The following SYT14 variants were observed in gnomAD, a reference collection of about 807,000 sequenced individuals.
The protein encoded by SYT14 is synaptotagmin-14.
Under a neutral mutation model 74.2 loss-of-function variants are expected in SYT14, and 32 were observed. The ratio of observed to expected loss-of-function variants is 0.43; its 90% CI spans 0.33 to 0.58. The LOEUF is 0.58. Ranked by LOEUF, SYT14 falls within the 20% of genes least tolerant of loss-of-function variation. The probability of loss-of-function intolerance (pLI) is 0.05; values close to 1 mark genes in which losing one functional copy is unlikely to be tolerated. For synonymous variants in SYT14, 298 were observed against 337.7 expected (o/e 0.88, Z 1.29); for missense variants, 791 against 981.8 (o/e 0.81, Z 2.60).
rs537079221 is a variant in SYT14, at chr1:210,067,639, G to C, written c.1313-26683G>C. ...AATTTGGTATTTATGCATCTTAAAC[G>C]TATTTTTAAAATTTACCCTCCCATT... On this transcript the variant is annotated intron_variant, in intron 5 of 9. Coordinates refer to ENST00000637265, the Ensembl canonical transcript of SYT14. 3.3e-5 allele frequency among the ~76,000 whole-genome samples: 5 copies of C among 151,888 alleles called. No homozygotes were observed. In the East Asian group the frequency reaches 9.7e-4, roughly 29 times the overall value.
chr1:210,134,599 A>G (rs1261836318), intron 7 of SYT14, among the ~76,000 whole-genome samples: 1 of 152,176 alleles, frequency 6.6e-6, no homozygotes, highest in Non-Finnish European at 1.5e-5. Context: ...CACATACAGT[A>G]TACCTTTAAA....
At chr1:210,137,692 T>C (rs952465496) in intron 7 of SYT14, among the ~76,000 whole-genome samples, 1 of 150,430 alleles carries the variant, frequency 6.6e-6, no homozygotes, top group Non-Finnish European at 1.5e-5. Flanking sequence ...TTTTTTTTTT[T>C]TTTTTGAAAT....
At chr1:210,140,568 A>G (rs1293649414) in intron 7 of SYT14, among the ~76,000 whole-genome samples, 1 of 152,064 alleles carries the variant, frequency 6.6e-6, no homozygotes, top group Non-Finnish European at 1.5e-5. Context: ...CTTATCTATG[A>G]AACCATTGCC....
intron 5 of SYT14, among the ~76,000 whole-genome samples, chr1:210,089,906 G>A (rs755084474): frequency 2.4e-4 from 36 of 152,188 alleles, no homozygotes; most frequent in Non-Finnish European, 4.4e-4. Context: ...CAAGAGCACT[G>A]GCTACAGAAT....
rs142161846 is a variant in SYT14 at position 210,095,873 on chromosome 1, T to G, written c.1584+1280T>G. Among the ~76,000 whole-genome samples the G allele has an allele frequency of 8.9e-3, 1,363 of 152,316 alleles. 23 individuals are homozygous for G. Among genetic ancestry groups the G allele is most frequent in the African/African-American group, 0.031 (1,275 of 41,572 alleles). ...TAATATATCATTATTTTATGATTTTTCATGATGAATGTTTCTTTGTGTTCC... is the reference window on the plus strand; with the variant it reads ...TAATATATCATTATTTTATGATTTTGCATGATGAATGTTTCTTTGTGTTCC... On this transcript the variant is annotated intron_variant, in intron 6 of 9. Transcript: ENST00000637265.
intron 1 of SYT14, among the ~76,000 whole-genome samples, chr1:209,948,105 C>T (rs1399218998): frequency 2.0e-5 from 3 of 152,156 alleles, no homozygotes; most frequent in Admixed American, 2.0e-4. Flanking sequence ...GTTTATGTGA[C>T]TTGTTTTATT....
At chr1:210,144,246 A>G (rs1206733821) in intron 7 of SYT14, among the ~76,000 whole-genome samples, 1 of 152,182 alleles carries the variant, frequency 6.6e-6, no homozygotes, top group Non-Finnish European at 1.5e-5. Flanking sequence ...TTAAACTTCA[A>G]ATATTCTCAA....
At chr1:209,978,795 C>T (rs914350017) in intron 2 of SYT14, among the ~76,000 whole-genome samples, 4 of 152,218 alleles carry the variant, frequency 2.6e-5, no homozygotes, top group Non-Finnish European at 4.4e-5. Context: ...TATTCCCTGC[C>T]CCCAGAGGTG....
At chr1:210,076,609 A>G (rs1347954248) in intron 5 of SYT14, among the ~76,000 whole-genome samples, 1 of 152,214 alleles carries the variant, frequency 6.6e-6, no homozygotes, top group Non-Finnish European at 1.5e-5. Flanking sequence ...AAGAGGTTTA[A>G]TTGGCTCATG....
At chr1:210,056,657 T>TAAAAAAAAA (rs1319086944) in intron 5 of SYT14, among the ~76,000 whole-genome samples, 2 of 25,036 alleles carry the variant, frequency 8.0e-5, no homozygotes, top group Admixed American at 4.3e-4. Context: ...CTACTAAAAA[T>TAAAAAAAAA]ACAAAAAAAA....
intron 6 of SYT14, among the ~76,000 whole-genome samples, chr1:210,098,568 T>C (rs987068880): frequency 3.9e-5 from 6 of 152,152 alleles, no homozygotes; most frequent in African/African-American, 1.4e-4. Flanking sequence ...ATTTCTTATA[T>C]AAACCTGATC....
intron 5 of SYT14, among the ~76,000 whole-genome samples, chr1:210,029,858 G>C (rs1431712139): frequency 2.0e-5 from 3 of 152,084 alleles, no homozygotes; most frequent in Non-Finnish European, 4.4e-5. Context: ...TTAACATTAA[G>C]TTTTCTAAGC....
At chr1:210,048,802 C>T (rs1200457172) in intron 5 of SYT14, among the ~76,000 whole-genome samples, 1 of 152,154 alleles carries the variant, frequency 6.6e-6, no homozygotes, top group Non-Finnish European at 1.5e-5. Context: ...AGTCAAGTCC[C>T]CTCTGCCTAT....
At position 210,090,845 on chromosome 1, in the gene SYT14, G is replaced by A. The variant is rs181286905; in HGVS notation, c.1313-3477G>A. 3.1e-4 allele frequency among the ~76,000 whole-genome samples: 47 copies of A among 151,986 alleles called. 1 individual carries two copies. The South Asian group carries it at 4.6e-3, about 15-fold the overall frequency. On this transcript the variant is annotated intron_variant, in intron 5 of 9. Coordinates refer to ENST00000637265, the Ensembl canonical transcript of SYT14. The stretch of plus-strand genomic sequence containing the variant: ...ACACTATGTAGAATAAAAACAGATT[G>A]CAAACATTTAAAAAGGAGGGATCTT...
intron 5 of SYT14, among the ~76,000 whole-genome samples, chr1:210,085,003 T>G (rs993345456): frequency 2.6e-5 from 4 of 152,212 alleles, no homozygotes; most frequent in Non-Finnish European, 4.4e-5. Context: ...CAGCTGTCCT[T>G]TCCTGTACCA....
intron 7 of SYT14, among the ~76,000 whole-genome samples, chr1:210,123,416 C>T (rs1170911809): frequency 6.6e-6 from 1 of 152,112 alleles, no homozygotes; most frequent in Non-Finnish European, 1.5e-5. Flanking sequence ...ATCACACACC[C>T]ATGAATACTA....
At chr1:209,944,519 T>C (rs2078790503) in intron 1 of SYT14, among the ~76,000 whole-genome samples, 1 of 152,202 alleles carries the variant, frequency 6.6e-6, no homozygotes, top group Non-Finnish European at 1.5e-5. Flanking sequence ...TTGTTGTCAA[T>C]AAGATCTAGT....
intron 2 of SYT14, among the ~76,000 whole-genome samples, chr1:209,982,067 C>T (rs981640970): frequency 6.6e-6 from 1 of 151,996 alleles, no homozygotes; most frequent in Non-Finnish European, 1.5e-5. Context: ...TTATGTTTTC[C>T]AGATTTACTT....
intron 7 of SYT14, among the ~76,000 whole-genome samples, chr1:210,133,990 A>G (rs2082730337): frequency 6.6e-6 from 1 of 152,102 alleles, no homozygotes; most frequent in Admixed American, 6.5e-5. Context: ...AGCTTTTGGC[A>G]GGATTACAAC....
Sources: gnomAD v4.1 joint callset for allele counts (sites outside exome capture counted in the v4.1 genomes callset) on GRCh38, gnomAD v4.1.1 for gene constraint, MANE v1.5 for transcripts, NCBI Gene and HGNC (gene_info 2026-07-23, HGNC 2026-07-21) for gene names.